The following ZBTB20 variants were observed in gnomAD, a reference collection of about 807,000 sequenced individuals.
ZBTB20 encodes zinc finger and BTB domain-containing protein 20.
A neutral mutation model predicts 56.9 loss-of-function variants in ZBTB20; 9 were observed. That is an observed-to-expected ratio of 0.16 (90% confidence interval 0.10 to 0.28). ZBTB20 has a LOEUF of 0.28. ZBTB20 is among the 10% of genes least tolerant of loss of function. ZBTB20 has a pLI of 1.00. For missense variants in ZBTB20, 655 were observed against 1,003.0 expected (o/e 0.65, Z 4.69); for synonymous variants, 417 against 420.7 (o/e 0.99, Z 0.11).
At chr3:114,636,329 G>C (rs951807896) in intron 6 of ZBTB20, among the ~76,000 whole-genome samples, 1 of 152,098 alleles carries the variant, frequency 6.6e-6, no homozygotes, top group Non-Finnish European at 1.5e-5. Flanking sequence ...TTGATTAGCA[G>C]CATGAAAAGA....
At position 114,350,793 on chromosome 3, in the gene ZBTB20, C is replaced by A. The variant is rs957893205; in HGVS notation, c.1285G>T (p.Gly429Cys). The A allele has an allele frequency of 1.9e-6, 3 of 1,614,042 alleles. No homozygotes were observed. Among genetic ancestry groups the A allele is most frequent in the Non-Finnish European group, 1.7e-6 (2 of 1,180,016 alleles). The change falls in exon 11 of 12, where the codon GGT becomes TGT. Residue 429 changes from glycine (G) to cysteine (C), a missense_variant. By Grantham distance (159) the Gly-to-Cys change is radical (BLOSUM62 -3). Transcript: ENST00000675478. ...TTGCTTCTCTCCGGAGAGGAAGCAC[C>A]TGTTTCTAGCTGGTTTGTCTGCGGA... The part of the protein sequence containing the change: ...GGPQTNQLET[G>C]ASSPERSNEV...
intron 5 of ZBTB20, among the ~76,000 whole-genome samples, chr3:114,697,626 C>G (rs2063125407): frequency 6.6e-6 from 1 of 151,324 alleles, no homozygotes; most frequent in African/African-American, 2.4e-5. Context: ...CCCTTTTTGT[C>G]TCTGTGTACC....
intron 6 of ZBTB20, chr3:114,518,656 G>A (rs2046303925): frequency 6.6e-6 from 1 of 152,160 alleles, no homozygotes; most frequent in Non-Finnish European, 1.5e-5. Context: ...GTAGAAGAGT[G>A]CCTGAAAGAT....
intron 4 of ZBTB20, among the ~76,000 whole-genome samples, chr3:114,865,113 T>G (rs1187133511): frequency 6.6e-6 from 1 of 152,144 alleles, no homozygotes; most frequent in Non-Finnish European, 1.5e-5. Flanking sequence ...TTATAAATAG[T>G]GCTGAAAGAC....
chr3:114,713,126 T>C (rs2064209009), intron 5 of ZBTB20, among the ~76,000 whole-genome samples: 1 of 152,128 alleles, frequency 6.6e-6, no homozygotes, highest in Admixed American at 6.6e-5. Flanking sequence ...CATTTTCTCT[T>C]CATTTCCCCT....
chr3:114,680,675 T>G (rs1251008753), intron 6 of ZBTB20, among the ~76,000 whole-genome samples: 1 of 152,210 alleles, frequency 6.6e-6, no homozygotes, highest in African/African-American at 2.4e-5. Context: ...ATGAAAATGT[T>G]TTCTGTTAAT....
chr3:114,978,310 T>G (rs1169412744), intron 2 of ZBTB20, among the ~76,000 whole-genome samples: 1 of 148,676 alleles, frequency 6.7e-6, no homozygotes, highest in African/African-American at 2.4e-5. Flanking sequence ...TATTTATTAT[T>G]AAATAATATT....
rs775782848 is a variant in ZBTB20, at chr3:114,577,383, AAAAAT to A, written c.-294-76997_-294-76993del. Among the ~76,000 whole-genome samples, 25 of 152,330 alleles carry A rather than the reference AAAAAT, an allele frequency of 1.6e-4. No homozygotes were observed. In the East Asian group the frequency reaches 3.1e-3, roughly 19 times the overall value. ...GAAGTGCAATAAAGCAAAGCACAAT[AAAAAT>A]AATATAAAAAACATAATAAAGAGAG... On this transcript the variant is annotated intron_variant, in intron 6 of 11. Transcript: ENST00000675478.
intron 5 of ZBTB20, among the ~76,000 whole-genome samples, chr3:114,799,873 A>C (rs907320284): frequency 4.6e-5 from 7 of 151,940 alleles, no homozygotes; most frequent in African/African-American, 9.7e-5. Context: ...GCAGGAATTC[A>C]GACCATAGGC....
At chr3:114,620,511 C>T (rs1025348605) in intron 6 of ZBTB20, among the ~76,000 whole-genome samples, 5 of 152,214 alleles carry the variant, frequency 3.3e-5, no homozygotes, top group Admixed American at 6.5e-5. Context: ...AGGCTGGTCT[C>T]GAACTCCTGA....
intron 4 of ZBTB20, among the ~76,000 whole-genome samples, chr3:114,889,317 T>C (rs936533373): frequency 6.6e-6 from 1 of 151,944 alleles, no homozygotes; most frequent in Non-Finnish European, 1.5e-5. Flanking sequence ...TATCAAATTC[T>C]TTTTCTTTTG....
intron 3 of ZBTB20, among the ~76,000 whole-genome samples, chr3:114,962,415 G>T (rs956717903): frequency 9.9e-5 from 15 of 152,164 alleles, no homozygotes; most frequent in African/African-American, 3.6e-4. Context: ...CAAGTAATAA[G>T]ATAACAGTCT....
chr3:114,760,107 T>A lies in ZBTB20; in HGVS notation c.-343+40994A>T, dbSNP rs542174236. On this transcript the variant is annotated intron_variant, in intron 5 of 11. Transcript: ENST00000675478. Reference sequence around the variant, plus strand: ...TATGTTCATAAACAATTTCCAAAGATTCACAATCACTTTAGGAACATACAA... The same window carrying A: ...TATGTTCATAAACAATTTCCAAAGAATCACAATCACTTTAGGAACATACAA... Among the ~76,000 whole-genome samples, 4 of 152,300 alleles carry A rather than the reference T, an allele frequency of 2.6e-5. No homozygotes were observed. In the South Asian group the frequency reaches 8.3e-4, roughly 32 times the overall value.
At chr3:114,638,568 T>G (rs2059398125) in intron 6 of ZBTB20, among the ~76,000 whole-genome samples, 1 of 152,078 alleles carries the variant, frequency 6.6e-6, no homozygotes. Context: ...CAGACATTGG[T>G]CACATTCTTG....
intron 2 of ZBTB20, among the ~76,000 whole-genome samples, chr3:114,989,902 TTG>T (rs1464391960): frequency 3.9e-5 from 6 of 152,194 alleles, no homozygotes; most frequent in Non-Finnish European, 8.8e-5. Flanking sequence ...GGCTTTCTGT[TTG>T]TCTGTTATTG....
intron 6 of ZBTB20, among the ~76,000 whole-genome samples, chr3:114,544,629 G>A (rs2049634393): frequency 1.3e-5 from 2 of 151,102 alleles, no homozygotes; most frequent in Non-Finnish European, 1.5e-5. Context: ...TCAGCCTGTC[G>A]AGTAACTGGA....
At chr3:114,656,812 C>T (rs896388338) in intron 6 of ZBTB20, among the ~76,000 whole-genome samples, 1 of 152,128 alleles carries the variant, frequency 6.6e-6, no homozygotes, top group East Asian at 1.9e-4. Context: ...GGAGCAATCT[C>T]GGCTCACTGC....
intron 6 of ZBTB20, among the ~76,000 whole-genome samples, chr3:114,573,521 CAGAG>C (rs1210267849): frequency 7.5e-5 from 7 of 92,792 alleles, no homozygotes; most frequent in East Asian, 3.0e-4. Flanking sequence ...AAGAAAGAAA[CAGAG>C]AGAGAGAAAG....
At chr3:114,399,884 G>C (rs1013237182) in intron 7 of ZBTB20, among the ~76,000 whole-genome samples, 7 of 152,100 alleles carry the variant, frequency 4.6e-5, no homozygotes, top group Non-Finnish European at 8.8e-5. Context: ...TATTGACCTA[G>C]ACATGTTAAA....
Sources: allele counts gnomAD v4.1 joint callset (sites outside exome capture counted in the v4.1 genomes callset), GRCh38; gene constraint gnomAD v4.1.1; transcripts MANE v1.5; gene names NCBI Gene and HGNC (gene_info 2026-07-23, HGNC 2026-07-21).